NBAS: variants seen among roughly 807,000 people sequenced by gnomAD.
NBAS encodes the protein NBAS subunit of NRZ tethering complex.
A neutral mutation model predicts 302.5 loss-of-function variants in NBAS; 219 were observed. The ratio of observed to expected loss-of-function variants is 0.72; its 90% CI spans 0.65 to 0.81. The LOEUF (loss-of-function observed/expected upper bound fraction) is 0.81, where lower values mean the gene tolerates loss of function less well. NBAS is among the 30% of genes least tolerant of loss of function. The pLI is 0.00. For synonymous variants in NBAS, 1,118 were observed against 1,021.6 expected, an observed-to-expected ratio of 1.09 and a Z score of -1.80; for missense variants, 2,932 against 2,841.6, an observed-to-expected ratio of 1.03 and a Z score of -0.72.
chr2:15,333,904 CAG>C (rs1672464619), intron 35 of NBAS, among the ~76,000 whole-genome samples: 1 of 149,050 alleles, frequency 6.7e-6, no homozygotes, highest in African/African-American at 2.5e-5. Flanking sequence ...CAGGTTCGTA[CAG>C]AGAGGAAACA....
chr2:14,780,050 CT>C, the NBAS span, among the ~76,000 whole-genome samples: 1 of 152,162 alleles, frequency 6.6e-6, no homozygotes, highest in Non-Finnish European at 1.5e-5. Context: ...CTTTTTTCTG[CT>C]CCACATGTGG....
At chr2:14,883,073 G>A in the NBAS span, among the ~76,000 whole-genome samples, 7 of 152,180 alleles carry the variant, frequency 4.6e-5, no homozygotes, top group East Asian at 7.7e-4. Context: ...TAAAATGTGC[G>A]TGAAATACGT....
chr2:15,245,608 A>AGGATGGATGGAT (rs57408257), intron 44 of NBAS, among the ~76,000 whole-genome samples: 5,706 of 148,106 alleles, frequency 0.039, 172 homozygotes, highest in African/African-American at 0.079. Flanking sequence ...GTTGAATGGA[A>AGGATGGATGGAT]GGATGGATGG....
chr2:14,967,540 T>C, the NBAS span, among the ~76,000 whole-genome samples: 29 of 152,182 alleles, frequency 1.9e-4, no homozygotes, highest in African/African-American at 6.8e-4. Context: ...CAGTAAAAAC[T>C]ATTCACATGC....
intron 22 of NBAS, among the ~76,000 whole-genome samples, chr2:15,427,152 A>G (rs1231538783): frequency 2.0e-5 from 3 of 152,154 alleles, no homozygotes; most frequent in Admixed American, 6.5e-5. Flanking sequence ...CATGAGTCAA[A>G]AAAAGCACAA....
chr2:15,234,698 T>G lies in NBAS; in HGVS notation c.5993A>C (p.Lys1998Thr). The G allele has an allele frequency of 6.2e-7, 1 of 1,614,160 alleles. No homozygotes were observed. The highest frequency in any genetic ancestry group is 8.5e-7 in the Non-Finnish European group (1 of 1,179,978). ...CACAGCTTCATCATGAAGTTTCTCT[T>G]TTTCTGATCGGGACAGATCATAGAG... ...SHLYDLSRSE[K>T]EKLHDEAVAI... Residue 1998 changes from lysine to threonine, a missense_variant, in exon 46 of 52, where the codon AAA (lysine) becomes ACA (threonine). Physicochemically the swap from Lys to Thr is moderately conservative, Grantham distance 78. Transcript: ENST00000281513.
rs543824156 is a variant in NBAS, at chr2:15,168,986, C to T, written c.6841-1663G>A. Reference sequence around the variant, plus strand: ...ACCGACTGGGAAATTCTTGAAGGCACAGAAGTTTTATCACTTTTACATTTC... The same window carrying T: ...ACCGACTGGGAAATTCTTGAAGGCATAGAAGTTTTATCACTTTTACATTTC... On this transcript the variant is annotated intron_variant, in intron 51 of 51. Coordinates refer to ENST00000281513, the MANE Select transcript of NBAS (RefSeq NM_015909.4). Among the ~76,000 whole-genome samples the T allele has an allele frequency of 1.2e-4, 18 of 152,334 alleles. No homozygotes were observed. In the South Asian group the frequency reaches 3.7e-3, roughly 32 times the overall value.
At chr2:15,395,289 T>C (rs1675815952) in intron 27 of NBAS, among the ~76,000 whole-genome samples, 2 of 152,104 alleles carry the variant, frequency 1.3e-5, no homozygotes, top group Admixed American at 6.5e-5. Context: ...TCAATTTTAC[T>C]AGAGAAATAA....
intron 28 of NBAS, among the ~76,000 whole-genome samples, chr2:15,390,351 T>C (rs1001551109): frequency 2.0e-5 from 3 of 152,128 alleles, no homozygotes; most frequent in African/African-American, 4.8e-5. Flanking sequence ...AAATCAGACA[T>C]AGAAAAATAT....
chr2:15,349,327 T>C (rs1188921610), intron 35 of NBAS, among the ~76,000 whole-genome samples: 1 of 152,196 alleles, frequency 6.6e-6, no homozygotes, highest in Non-Finnish European at 1.5e-5. Context: ...TTAGCTAGTA[T>C]AAGAACTGTT....
At chr2:14,833,988 C>G in the NBAS span, among the ~76,000 whole-genome samples, 1 of 152,106 alleles carries the variant, frequency 6.6e-6, no homozygotes, top group Non-Finnish European at 1.5e-5. Context: ...CAGTGAATTA[C>G]TACAGAATTC....
intron 44 of NBAS, among the ~76,000 whole-genome samples, chr2:15,251,308 C>T (rs774831567): frequency 2.9e-4 from 44 of 151,938 alleles, no homozygotes; most frequent in Admixed American, 3.3e-4. Context: ...GGCCTGTCGG[C>T]GGGTGGGGAG....
intron 18 of NBAS, 113 bp from the exon 19 acceptor site, chr2:15,467,520 G>A: frequency 7.7e-7 from 1 of 1,294,104 alleles, no homozygotes; most frequent in Non-Finnish European, 1.1e-6. Flanking sequence ...AAACAGTTCA[G>A]AAAAGCACAA....
At chr2:14,918,613 T>C in the NBAS span, among the ~76,000 whole-genome samples, 1 of 152,244 alleles carries the variant, frequency 6.6e-6, no homozygotes, top group Non-Finnish European at 1.5e-5. Context: ...CTGTGGTCCT[T>C]AGTCTTGTCC....
chr2:15,551,354 A>AAT, intron 6 of NBAS, 139 bp downstream of exon 6: 1 of 552,276 alleles, frequency 1.8e-6, no homozygotes, highest in Non-Finnish European at 3.1e-6. Context: ...AAAAAAAAAA[A>AAT]GCAGTTTTTA....
chr2:15,486,908 A>C (rs1171496628), intron 12 of NBAS, among the ~76,000 whole-genome samples: 1 of 151,862 alleles, frequency 6.6e-6, no homozygotes, highest in Non-Finnish European at 1.5e-5. Flanking sequence ...GATTCAATTT[A>C]TCTTTGCAGG....
At chr2:15,362,643 C>T (rs1405604343) in intron 32 of NBAS, among the ~76,000 whole-genome samples, 1 of 152,122 alleles carries the variant, frequency 6.6e-6, no homozygotes, top group Non-Finnish European at 1.5e-5. Context: ...ATAATAAATG[C>T]ACCTATAACA....
At chr2:15,068,285 G>T in the NBAS span, among the ~76,000 whole-genome samples, 1 of 152,186 alleles carries the variant, frequency 6.6e-6, no homozygotes, top group African/African-American at 2.4e-5. Context: ...TTATGTGGGG[G>T]GAAACATCTG....
At chr2:15,547,653 T>C (rs1664178900) in intron 6 of NBAS, among the ~76,000 whole-genome samples, 2 of 152,152 alleles carry the variant, frequency 1.3e-5, no homozygotes, top group Non-Finnish European at 2.9e-5. Flanking sequence ...ACCCTGTATA[T>C]CTGAATCACT....
Sources: allele counts gnomAD v4.1 joint callset (sites outside exome capture counted in the v4.1 genomes callset), GRCh38; gene constraint gnomAD v4.1.1; transcripts MANE v1.5; gene names NCBI Gene and HGNC (gene_info 2026-07-23, HGNC 2026-07-21).